Variants in JCAD observed in about 807,000 individuals in gnomAD.
The protein encoded by JCAD is junctional cadherin 5-associated protein.
JCAD carries 40 observed loss-of-function variants against 98.0 expected under a neutral mutation model. The ratio of observed to expected loss-of-function variants is 0.41; its 90% CI spans 0.32 to 0.53. The LOEUF is 0.53. JCAD is among the 20% of genes least tolerant of loss of function. The pLI is 0.31. For missense variants in JCAD, 1,705 were observed against 1,738.1 expected (o/e 0.98, Z 0.34); for synonymous variants, 691 against 682.3 (o/e 1.01, Z -0.20).
intron 1 of JCAD, among the ~76,000 whole-genome samples, chr10:30,086,592 C>G (rs1174254091): frequency 6.6e-6 from 1 of 152,184 alleles, no homozygotes; most frequent in Non-Finnish European, 1.5e-5. Context: ...GGTGGAAATC[C>G]AATCCTACTA....
In JCAD at chr10:30,028,438, A is replaced by G. The variant is rs1338450944; in HGVS notation, c.1710T>C (p.Ser570=). 1 of 1,614,034 alleles carries G rather than the reference A, an allele frequency of 6.2e-7. No homozygotes were observed. Among genetic ancestry groups the G allele is most frequent in the Non-Finnish European group, 8.5e-7 (1 of 1,180,032 alleles). The part of the protein sequence containing the change: ...KFQTGTRTKK[S]SKKKMNETIF... The stretch of plus-strand genomic sequence containing the variant: ...TAGTCTCGTTCATTTTTTTCTTTGA[A>G]CTTTTCTTGGTCCGAGTCCCAGTTT... The change falls in exon 3 of 4, where the codon AGT becomes AGC. Residue 570 remains serine, a synonymous_variant. Transcript: ENST00000375377.
intron 1 of JCAD, among the ~76,000 whole-genome samples, chr10:30,087,855 T>C (rs1838191326): frequency 6.6e-6 from 1 of 152,224 alleles, no homozygotes; most frequent in Admixed American, 6.5e-5. Flanking sequence ...TGTTTGTTTG[T>C]TTGTTTGCCA....
chr10:30,031,997 G>T (rs11007868), intron 2 of JCAD, among the ~76,000 whole-genome samples: 4 of 151,358 alleles, frequency 2.6e-5, no homozygotes, highest in East Asian at 1.9e-4. Context: ...CTCGTGATCC[G>T]CCCGCCTCGG....
Position 30,084,826 on chromosome 10 carries a change from T to TA in JCAD, n.129-15006dup, listed in dbSNP as rs552257937. ...CTATCTATCTATCTATCTATCTATCTATCTGTGTATCTATCCATCCATCCA... is the reference window on the plus strand; with the variant it reads ...CTATCTATCTATCTATCTATCTATCTAATCTGTGTATCTATCCATCCATCCA... On this transcript the variant is annotated intron_variant and non_coding_transcript_variant, in intron 1 of 2. Coordinates refer to the JCAD transcript ENST00000465712. Among the ~76,000 whole-genome samples the TA allele has an allele frequency of 1.7e-4, 26 of 152,070 alleles. No individual in the cohort carries two copies. The East Asian group carries it at 4.6e-3, about 27-fold the overall frequency.
chr10:30,027,493 G>A lies in JCAD; in HGVS notation c.2655C>T (p.Ser885=). The part of the protein sequence containing the change: ...RQEDVGFRGN[S]PEMRVEPQPR... ...GCTGTGGCTCAACCCTCATTTCCGGGCTGTTTCCGCGGAAGCCCACATCCT... is the reference window on the plus strand; with the variant it reads ...GCTGTGGCTCAACCCTCATTTCCGGACTGTTTCCGCGGAAGCCCACATCCT... The change falls in exon 3 of 4, where the codon AGC becomes AGT. Residue 885 remains serine (S), a synonymous_variant. Coordinates refer to ENST00000375377, the MANE Select transcript of JCAD (RefSeq NM_020848.4). 2 of 1,608,412 alleles carry A rather than the reference G, an allele frequency of 1.2e-6. No homozygotes were observed. The highest frequency in any genetic ancestry group is 1.1e-5 in the South Asian group (1 of 91,072).
intron 1 of JCAD, among the ~76,000 whole-genome samples, chr10:30,088,472 G>A (rs1227046074): frequency 1.3e-5 from 2 of 152,192 alleles, no homozygotes; most frequent in Non-Finnish European, 2.9e-5. Flanking sequence ...GGTCAGCTTA[G>A]TGTTCAGGTT....
At chr10:30,110,214 G>A (rs558451713) in intron 1 of JCAD, among the ~76,000 whole-genome samples, 14 of 151,142 alleles carry the variant, frequency 9.3e-5, no homozygotes, top group East Asian at 5.9e-4. Flanking sequence ...GACCATTGAT[G>A]TATGGTCCAG....
At position 30,018,272 on chromosome 10, in the gene JCAD, TTTCTTC is replaced by T. The variant is rs368491408; in HGVS notation, c.4046-361_4046-356del. 5.0e-3 allele frequency among the ~76,000 whole-genome samples: 743 copies of T among 148,824 alleles called. 8 individuals are homozygous for T. The highest frequency in any genetic ancestry group is 0.017 in the African/African-American group (696 of 39,976). ...TATTAAGGTAGATGTCTTATCTTTC[TTTCTTC>T]TTCTTCTTCTTCTTCTTCTTTTTTT... is the stretch of plus-strand genomic sequence containing the variant. On this transcript the variant is annotated intron_variant, in intron 3 of 3. Coordinates refer to ENST00000375377, the MANE Select transcript of JCAD (RefSeq NM_020848.4).
chr10:30,075,306 A>G (rs946351306), intron 1 of JCAD, among the ~76,000 whole-genome samples: 3 of 152,180 alleles, frequency 2.0e-5, no homozygotes, highest in Admixed American at 2.0e-4. Context: ...TGATATTATG[A>G]GGAAGCTGAT....
At position 30,028,853 on chromosome 10, in the gene JCAD, C is replaced by T. The variant is rs190116152; in HGVS notation, c.1295G>A (p.Arg432Gln). Residue 432 changes from arginine (R) to glutamine (Q), a missense_variant, in exon 3 of 4, where the codon CGA becomes CAA. Transcript: ENST00000375377. Reference protein sequence around the residue: ...QYIPFDDPRLRHFKLAQPQGF... With the variant: ...QYIPFDDPRLQHFKLAQPQGF... Reference sequence around the variant, plus strand: ...CTGGGGCTGAGCTAGTTTAAAATGTCGTAACCGTGGATCATCAAAGGGAAT... The same window carrying T: ...CTGGGGCTGAGCTAGTTTAAAATGTTGTAACCGTGGATCATCAAAGGGAAT... 64 of 1,614,124 alleles carry T rather than the reference C, an allele frequency of 4.0e-5. 1 individual carries two copies. The highest frequency in any genetic ancestry group is 1.6e-4 in the Middle Eastern group (1 of 6,062).
At chr10:30,047,496 G>A in intron 2 of JCAD, 36 bp downstream of exon 2, 4 of 1,584,940 alleles carry the variant, frequency 2.5e-6, no homozygotes, top group Non-Finnish European at 2.6e-6. Context: ...AAACTCCTGA[G>A]TCAAAAGAAA....
intron 1 of JCAD, among the ~76,000 whole-genome samples, chr10:30,083,159 T>C (rs1299942787): frequency 6.6e-6 from 1 of 152,198 alleles, no homozygotes; most frequent in East Asian, 1.9e-4. Context: ...GTGTAATCTC[T>C]TATTTTTTTT....
intron 1 of JCAD, among the ~76,000 whole-genome samples, chr10:30,092,034 C>CAAAAAA (rs1198107053): frequency 2.8e-5 from 1 of 35,414 alleles, no homozygotes; most frequent in Non-Finnish European, 4.3e-5. Flanking sequence ...TCCCCCACCA[C>CAAAAAA]AAAAAAAAAA....
chr10:30,030,630 T>A (rs574208369), intron 2 of JCAD, among the ~76,000 whole-genome samples: 1 of 152,150 alleles, frequency 6.6e-6, no homozygotes, highest in Middle Eastern at 3.4e-3. Context: ...TTAGTGAGAA[T>A]CAGAATCACT....
At chr10:30,035,202 C>A (rs1589686189) in intron 2 of JCAD, among the ~76,000 whole-genome samples, 1 of 152,216 alleles carries the variant, frequency 6.6e-6, no homozygotes, top group Non-Finnish European at 1.5e-5. Flanking sequence ...TCACTTCCTA[C>A]AGAGGGAGCG....
At chr10:30,081,150 T>C (rs1455638880) in intron 1 of JCAD, among the ~76,000 whole-genome samples, 1 of 152,220 alleles carries the variant, frequency 6.6e-6, no homozygotes, top group Non-Finnish European at 1.5e-5. Flanking sequence ...GGCATCTGTG[T>C]TACCTGGAAG....
rs11007858 is a variant in JCAD, at chr10:30,017,448, A to C, written c.*435T>G. The C allele has an allele frequency of 0.047, 9,264 of 198,000 alleles. 882 individuals are homozygous for C. Among genetic ancestry groups the C allele is most frequent in the African/African-American group, 0.2 (8,614 of 42,082 alleles). 12.3% of individuals were successfully genotyped at this position (198,000 alleles called of 1,614,324 possible). On this transcript the variant is annotated 3_prime_UTR_variant, in exon 4 of 4. Transcript: ENST00000375377. The stretch of plus-strand genomic sequence containing the variant: ...CACCGGGCAACAGCCAGTGTCCCAA[A>C]CTCCTTCACAAGAGCATGGACTGCA...
rs954442656 is a variant in JCAD at position 30,047,568 on chromosome 10, G to T, written c.245C>A (p.Pro82His). The change falls in exon 2 of 4, where the codon CCC (proline) becomes CAC (histidine). Residue 82 changes from proline (P) to histidine (H), a missense_variant. Transcript: ENST00000375377. The stretch of plus-strand genomic sequence containing the variant: ...GGTTCTGGAAGCAGAAGTGCTCTGG[G>T]GCTCCCCGTGGCCTCTCGGTGTGCT... ...RRSTPRGHGE[P>H]QSTSASRTSE... 3.7e-6 allele frequency: 6 copies of T among 1,613,868 alleles called. No homozygotes were observed. In the African/African-American group the frequency reaches 8.0e-5, roughly 22 times the overall value.
intron 1 of JCAD, among the ~76,000 whole-genome samples, chr10:30,093,297 T>C (rs989682765): frequency 2.6e-5 from 4 of 152,194 alleles, no homozygotes; most frequent in Admixed American, 1.3e-4. Context: ...ACCCGCAATC[T>C]CCTGGTTTTT....
Sources: gnomAD v4.1 joint callset for allele counts (sites outside exome capture counted in the v4.1 genomes callset) on GRCh38, gnomAD v4.1.1 for gene constraint, MANE v1.5 for transcripts, NCBI Gene and HGNC (gene_info 2026-07-23, HGNC 2026-07-21) for gene names.